The following DTNBP1 variants were observed in gnomAD, a reference collection of about 807,000 sequenced individuals.
DTNBP1 encodes the protein dysbindin.
Under a neutral mutation model 42.8 loss-of-function variants are expected in DTNBP1, and 35 were observed. That is an observed-to-expected ratio of 0.82 (90% CI 0.63 to 1.09). DTNBP1 has a LOEUF of 1.09. Ranked by LOEUF, DTNBP1 falls within the 50% of genes least tolerant of loss-of-function variation. DTNBP1 has a pLI of 0.00. For missense variants in DTNBP1, 457 were observed against 424.2 expected, an observed-to-expected ratio of 1.08 and a Z score of -0.68; for synonymous variants, 171 against 162.2, an observed-to-expected ratio of 1.05 and a Z score of -0.41.
intron 6 of DTNBP1, among the ~76,000 whole-genome samples, chr6:15,596,432 A>C (rs962604893): frequency 6.6e-6 from 1 of 152,140 alleles, no homozygotes; most frequent in Admixed American, 6.5e-5. Flanking sequence ...TACACAATCA[A>C]CACCACCAAC....
At chr6:15,581,833 T>C (rs1190445482) in intron 7 of DTNBP1, among the ~76,000 whole-genome samples, 5 of 152,162 alleles carry the variant, frequency 3.3e-5, no homozygotes, top group Admixed American at 6.5e-5. Flanking sequence ...AGAGAAGATT[T>C]GACTTTAAGA....
chr6:15,621,942 G>A (rs1759065411), intron 5 of DTNBP1, among the ~76,000 whole-genome samples: 1 of 152,124 alleles, frequency 6.6e-6, no homozygotes, highest in Admixed American at 6.5e-5. Context: ...CCTCACACAG[G>A]ACTCACATTC....
intron 7 of DTNBP1, among the ~76,000 whole-genome samples, chr6:15,551,342 T>C (rs897848563): frequency 1.3e-5 from 2 of 152,218 alleles, no homozygotes; most frequent in Non-Finnish European, 2.9e-5. Context: ...TCACTCTTCC[T>C]GTTTTCTACT....
chr6:15,523,562 C>CTT lies in DTNBP1; in HGVS notation c.812-345_812-344dup, dbSNP rs5874516. 3.9e-3 allele frequency: 4,655 copies of CTT among 1,180,620 alleles called. 1 individual carries two copies. Among genetic ancestry groups the CTT allele is most frequent in the South Asian group, 7.3e-3 (498 of 68,518 alleles). The allele number at this position is 1,180,620 out of a possible 1,614,324, so 73.1% of individuals were successfully genotyped here. ...CTTGTAACCTTGATAATCTAGATTTCTTTTTTTTTTTTTTACCCTTTGCAG... is the reference window on the plus strand; with the variant it reads ...CTTGTAACCTTGATAATCTAGATTTCTTTTTTTTTTTTTTTTACCCTTTGCAG... On this transcript the variant is annotated intron_variant, in intron 9 of 9. Transcript: ENST00000344537.
chr6:15,583,541 A>C (rs532869046), intron 7 of DTNBP1, among the ~76,000 whole-genome samples: 1 of 152,360 alleles, frequency 6.6e-6, no homozygotes, highest in Middle Eastern at 3.4e-3. Flanking sequence ...CTAAGACAAA[A>C]TCATGAAGCT....
chr6:15,568,425 GCTTTT>G (rs1439079247), intron 7 of DTNBP1, among the ~76,000 whole-genome samples: 2 of 152,148 alleles, frequency 1.3e-5, no homozygotes, highest in African/African-American at 4.8e-5. Context: ...AAATGTGTGT[GCTTTT>G]CTTTTGTTAA....
chr6:15,526,353 C>A (rs1360152196), intron 8 of DTNBP1, among the ~76,000 whole-genome samples: 1 of 152,140 alleles, frequency 6.6e-6, no homozygotes, highest in African/African-American at 2.4e-5. Flanking sequence ...AACAAAGACA[C>A]GGGGGTGGAG....
At chr6:15,534,112 T>C (rs1222298679) in intron 7 of DTNBP1, among the ~76,000 whole-genome samples, 3 of 152,124 alleles carry the variant, frequency 2.0e-5, no homozygotes, top group Non-Finnish European at 4.4e-5. Flanking sequence ...CTTCCACTCA[T>C]ATGAGGTACC....
chr6:15,591,968 CA>C (rs1456296542), intron 7 of DTNBP1, among the ~76,000 whole-genome samples: 13 of 152,142 alleles, frequency 8.5e-5, no homozygotes, highest in African/African-American at 3.1e-4. Flanking sequence ...ACAGCCATGA[CA>C]ACACATTGTA....
rs181665373 is a variant in DTNBP1, at chr6:15,585,419, C to T, written c.511+7640G>A. ...AAAAATGTCAGTTTGATTAATTTCA[C>T]CTGATGCATGAAAAGACACATATTG... is the stretch of plus-strand genomic sequence containing the variant. On this transcript the variant is annotated intron_variant, in intron 7 of 9. Coordinates refer to ENST00000344537, the MANE Select transcript of DTNBP1 (RefSeq NM_032122.5). 5.3e-3 allele frequency among the ~76,000 whole-genome samples: 803 copies of T among 150,350 alleles called. 3 individuals carry two copies. The highest frequency in any genetic ancestry group is 0.028 in the Middle Eastern group (8 of 290).
intron 7 of DTNBP1, among the ~76,000 whole-genome samples, chr6:15,544,672 C>T (rs1477868801): frequency 6.6e-6 from 1 of 152,178 alleles, no homozygotes; most frequent in Non-Finnish European, 1.5e-5. Flanking sequence ...CTCATGGGAG[C>T]ATTTAGGATT....
rs1380323483 is a variant in DTNBP1 at position 15,615,320 on chromosome 6, T to C, written c.435A>G (p.Glu145=). Residue 145 remains glutamate, a synonymous_variant, in exon 6 of 10, where the codon GAA becomes GAG. Transcript: ENST00000344537. Reference sequence around the variant, plus strand: ...GCTGGGACTGCATATGTTTGCATCTTTCTAATTCACACTGCCCACATAAGT... The same window carrying C: ...GCTGGGACTGCATATGTTTGCATCTCTCTAATTCACACTGCCCACATAAGT... ...LEDLCGQCEL[E]RCKHMQSQQL... is the part of the protein sequence containing the mutation. 6.2e-7 allele frequency: 1 copy of C among 1,614,176 alleles called. No homozygotes were observed. Among genetic ancestry groups the C allele is most frequent in the Admixed American group, 1.7e-5 (1 of 60,028 alleles).
chr6:15,591,709 C>A (rs537852339), intron 7 of DTNBP1, among the ~76,000 whole-genome samples: 1 of 152,106 alleles, frequency 6.6e-6, no homozygotes, highest in Non-Finnish European at 1.5e-5. Flanking sequence ...AAAAAAAGTA[C>A]GCCTCAGCAC....
intron 7 of DTNBP1, among the ~76,000 whole-genome samples, chr6:15,581,906 A>G (rs192302087): frequency 3.6e-4 from 55 of 152,298 alleles, no homozygotes; most frequent in African/African-American, 1.3e-3. Context: ...AGGCCTTACT[A>G]GTCTTTCTTC....
At chr6:15,600,914 C>T (rs1581379568) in intron 6 of DTNBP1, among the ~76,000 whole-genome samples, 2 of 152,140 alleles carry the variant, frequency 1.3e-5, no homozygotes, top group African/African-American at 4.8e-5. Context: ...GAGACCTGCA[C>T]TGAATACAGT....
chr6:15,655,640 T>TA (rs5874522), intron 1 of DTNBP1, among the ~76,000 whole-genome samples: 82,868 of 140,910 alleles, frequency 0.59, 24,557 homozygotes, highest in African/African-American at 0.66. Flanking sequence ...AAAACGAAGT[T>TA]AAAAAAAAAA....
chr6:15,634,367 A>C (rs1339702322), intron 4 of DTNBP1, among the ~76,000 whole-genome samples: 1 of 152,140 alleles, frequency 6.6e-6, no homozygotes, highest in South Asian at 2.1e-4. Context: ...CCCAGCCTAG[A>C]GTGCGGTGGC....
rs542769296 is a variant in DTNBP1 at position 15,562,063 on chromosome 6, C to G, written c.512-28668G>C. ...ATCCCAACCCCTTTCCTGGAAAACT[C>G]ATGAATAATCCACCCCTTGTTTAGC... is the stretch of plus-strand genomic sequence containing the variant. On this transcript the variant is annotated intron_variant, in intron 7 of 9. Transcript: ENST00000344537. Among the ~76,000 whole-genome samples the G allele has an allele frequency of 7.9e-5, 12 of 152,314 alleles. No homozygotes were observed. In the South Asian group the frequency reaches 2.1e-3, roughly 26 times the overall value.
intron 8 of DTNBP1, among the ~76,000 whole-genome samples, chr6:15,530,079 G>T (rs1290582642): frequency 6.6e-6 from 1 of 152,276 alleles, no homozygotes; most frequent in African/African-American, 2.4e-5. Flanking sequence ...ATTAAGAAAT[G>T]ATGCTTCTGA....
Sources: allele counts gnomAD v4.1 joint callset (sites outside exome capture counted in the v4.1 genomes callset), GRCh38; gene constraint gnomAD v4.1.1; transcripts MANE v1.5; gene names NCBI Gene and HGNC (gene_info 2026-07-23, HGNC 2026-07-21).